Variants in HHLA2 observed in about 807,000 individuals in gnomAD.
HHLA2 encodes the protein HERV-H LTR-associating protein 2.
HHLA2 carries 48 observed loss-of-function variants against 45.9 expected under a neutral mutation model. That is an observed-to-expected ratio of 1.05 (90% CI 0.83 to 1.33). The LOEUF is 1.33. Ranked by LOEUF, HHLA2 falls within the 40% of genes most tolerant of loss-of-function variation. The pLI is 0.00. For synonymous variants in HHLA2, 161 were observed against 173.9 expected (o/e 0.93, Z 0.59); for missense variants, 462 against 494.3 (o/e 0.93, Z 0.62).
chr3:108,377,527 G>GAA (rs1271548851), exon 11 of HHLA2: 2 of 485,396 alleles, frequency 4.1e-6, no homozygotes, highest in Non-Finnish European at 7.5e-6. Context: ...ATTTAACTTT[G>GAA]AAAAGAACTG....
intron 2 of HHLA2, among the ~76,000 whole-genome samples, chr3:108,311,617 C>T (rs1487736034): frequency 2.0e-5 from 3 of 152,138 alleles, no homozygotes; most frequent in Admixed American, 6.5e-5. Context: ...GTATTGGGCA[C>T]AAGAAAGGAG....
chr3:108,308,886 C>T (rs2080973175), intron 1 of HHLA2, among the ~76,000 whole-genome samples: 1 of 152,122 alleles, frequency 6.6e-6, no homozygotes, highest in Admixed American at 6.5e-5. Context: ...GTTATTTGAG[C>T]TCCTTATATA....
chr3:108,365,775 G>C (rs1055589887), intron 8 of HHLA2, among the ~76,000 whole-genome samples: 1 of 151,940 alleles, frequency 6.6e-6, no homozygotes, highest in African/African-American at 2.4e-5. Context: ...CATGATTTGG[G>C]TCTCTGTTTG....
chr3:108,308,416 G>A (rs1221911656), intron 1 of HHLA2, among the ~76,000 whole-genome samples: 1 of 152,116 alleles, frequency 6.6e-6, no homozygotes, highest in Non-Finnish European at 1.5e-5. Flanking sequence ...TTTATCTGTT[G>A]ATGGACACTT....
Position 108,310,741 on chromosome 3 carries a change from GGTGA to G in HHLA2, c.-105+3_-105+6del, listed in dbSNP as rs2081004793. 4 of 152,514 alleles carry G rather than the reference GGTGA, an allele frequency of 2.6e-5. No homozygotes were observed. The highest frequency in any genetic ancestry group is 9.7e-5 in the African/African-American group (4 of 41,426). The allele number at this position is 152,514 out of a possible 1,614,324, so 9.4% of individuals were successfully genotyped here. ...CATCAAGAATTGGATTTGGGGAAGA[GGTGA>G]GTATTTGCTATACTATATTTTACTC... On this transcript the variant is annotated splice_donor_variant and splice_donor_region_variant and intron_variant, in intron 2 of 10. Coordinates refer to ENST00000619531, the Ensembl canonical transcript of HHLA2. LOFTEE classifies it low-confidence loss of function (5UTR_SPLICE).
At chr3:108,328,031 G>T (rs956290651) in intron 2 of HHLA2, among the ~76,000 whole-genome samples, 9 of 152,134 alleles carry the variant, frequency 5.9e-5, no homozygotes, top group Non-Finnish European at 1.2e-4. Context: ...TACTTGGGAG[G>T]CTGAGGCAGG....
chr3:108,334,355 C>T (rs1375007577), intron 3 of HHLA2, among the ~76,000 whole-genome samples: 1 of 152,186 alleles, frequency 6.6e-6, no homozygotes, highest in Non-Finnish European at 1.5e-5. Flanking sequence ...GTCATCAGTG[C>T]TGTATCAATG....
intron 9 of HHLA2, 66 bp downstream of exon 8, chr3:108,375,866 C>A: frequency 6.3e-7 from 1 of 1,575,804 alleles, no homozygotes; most frequent in Admixed American, 1.8e-5. Context: ...AAGATATCGG[C>A]AAAAACTCTG....
chr3:108,349,123 T>G (rs975526929), intron 3 of HHLA2, among the ~76,000 whole-genome samples: 1 of 150,658 alleles, frequency 6.6e-6, no homozygotes, highest in Non-Finnish European at 1.5e-5. Context: ...GCAGAAGACA[T>G]GAAATAACTA....
chr3:108,373,384 A>C (rs375507800), intron 8 of HHLA2, among the ~76,000 whole-genome samples: 1 of 152,044 alleles, frequency 6.6e-6, no homozygotes, highest in Admixed American at 6.6e-5. Context: ...TACTGAACGG[A>C]CAAAAACTGG....
At chr3:108,320,145 T>C (rs1178439678) in intron 2 of HHLA2, among the ~76,000 whole-genome samples, 1 of 152,212 alleles carries the variant, frequency 6.6e-6, no homozygotes, top group East Asian at 1.9e-4. Context: ...CAACTTTTCA[T>C]AGACTATTTC....
chr3:108,377,219 G>A, intron 10 of HHLA2, 39 bp from the exon 10 acceptor site: 1 of 1,375,714 alleles, frequency 7.3e-7, no homozygotes, highest in Admixed American at 1.8e-5. Context: ...ATTCTGACTT[G>A]AACAACAGAC....
chr3:108,338,356 A>C (rs2081509673), intron 3 of HHLA2, among the ~76,000 whole-genome samples: 1 of 152,118 alleles, frequency 6.6e-6, no homozygotes, highest in Non-Finnish European at 1.5e-5. Context: ...AAATGAGCTT[A>C]AGCAGAGGGA....
At chr3:108,312,289 T>TGTGGC (rs1375006816) in intron 2 of HHLA2, among the ~76,000 whole-genome samples, 1 of 152,248 alleles carries the variant, frequency 6.6e-6, no homozygotes, top group Admixed American at 6.5e-5. Flanking sequence ...CCATCACCCA[T>TGTGGC]GTGGCCAATT....
At chr3:108,364,449 AAC>A (rs2082030583) in intron 8 of HHLA2, among the ~76,000 whole-genome samples, 1 of 152,234 alleles carries the variant, frequency 6.6e-6, no homozygotes, top group African/African-American at 2.4e-5. Context: ...TGCTGCAATA[AAC>A]ATACATGTGC....
intron 2 of HHLA2, among the ~76,000 whole-genome samples, chr3:108,312,075 T>TC (rs1296664050): frequency 6.6e-6 from 1 of 152,010 alleles, no homozygotes; most frequent in Non-Finnish European, 1.5e-5. Flanking sequence ...GAAGCCACGT[T>TC]CCCCCCATTC....
intron 1 of HHLA2, among the ~76,000 whole-genome samples, chr3:108,301,509 T>C (rs970702168): frequency 6.6e-6 from 1 of 152,096 alleles, no homozygotes; most frequent in African/African-American, 2.4e-5. Context: ...CCAGTTCAAT[T>C]CTTACCCCTT....
chr3:108,309,391 A>G (rs985493098), intron 1 of HHLA2, among the ~76,000 whole-genome samples: 1 of 152,076 alleles, frequency 6.6e-6, no homozygotes, highest in Non-Finnish European at 1.5e-5. Context: ...TGCAAGTACC[A>G]CACTGTTTTG....
intron 3 of HHLA2, among the ~76,000 whole-genome samples, chr3:108,345,717 C>G (rs1362715547): frequency 6.6e-6 from 1 of 152,194 alleles, no homozygotes; most frequent in Non-Finnish European, 1.5e-5. Flanking sequence ...TCACCTTTCA[C>G]CTGTTTCCAG....
Sources: allele counts gnomAD v4.1 joint callset (sites outside exome capture counted in the v4.1 genomes callset), GRCh38; gene constraint gnomAD v4.1.1; transcripts MANE v1.5; gene names NCBI Gene and HGNC (gene_info 2026-07-23, HGNC 2026-07-21).